MPPED2: variants seen among roughly 807,000 people sequenced by gnomAD.
The protein encoded by MPPED2 is metallophosphoesterase MPPED2.
A neutral mutation model predicts 33.0 loss-of-function variants in MPPED2; 5 were observed. The observed-to-expected ratio is 0.15, with a 90% CI of 0.08 to 0.32. The LOEUF (loss-of-function observed/expected upper bound fraction) is 0.32, where lower values mean the gene tolerates loss of function less well. Among genes scored for constraint, MPPED2 ranks in the 10% least tolerant of loss-of-function variants. The pLI is 1.00. For synonymous variants in MPPED2, 136 were observed against 141.9 expected (o/e 0.96, Z 0.29); for missense variants, 275 against 372.1 (o/e 0.74, Z 2.15).
intron 4 of MPPED2, among the ~76,000 whole-genome samples, chr11:30,433,542 C>T (rs1949178617): frequency 6.6e-6 from 1 of 152,126 alleles, no homozygotes; most frequent in African/African-American, 2.4e-5. Context: ...ATGTGCTTAA[C>T]TACCATGCCA....
At chr11:30,525,856 G>T (rs560900342) in intron 3 of MPPED2, among the ~76,000 whole-genome samples, 5 of 152,166 alleles carry the variant, frequency 3.3e-5, no homozygotes, top group African/African-American at 9.6e-5. Flanking sequence ...TAAGAAAATG[G>T]CTGCCCATAA....
intron 6 of MPPED2, among the ~76,000 whole-genome samples, chr11:30,394,490 T>C (rs538396592): frequency 2.0e-5 from 3 of 152,270 alleles, no homozygotes; most frequent in East Asian, 1.9e-4. Context: ...TGTTATCTCA[T>C]TGTGGTTTTA....
chr11:30,421,263 C>T (rs892742589), intron 4 of MPPED2, among the ~76,000 whole-genome samples: 1 of 152,056 alleles, frequency 6.6e-6, no homozygotes, highest in Non-Finnish European at 1.5e-5. Flanking sequence ...CAGCCATATT[C>T]CCCCAGGAAA....
downstream of MPPED2, among the ~76,000 whole-genome samples, chr11:30,408,608 C>T (rs993291169): frequency 3.9e-5 from 6 of 152,190 alleles, no homozygotes; most frequent in African/African-American, 1.4e-4. Flanking sequence ...CCGTGCCTGT[C>T]TTATATCAGC....
chr11:30,406,664 C>T (rs1947994806), downstream of MPPED2, among the ~76,000 whole-genome samples: 1 of 152,172 alleles, frequency 6.6e-6, no homozygotes, highest in Admixed American at 6.5e-5. Context: ...AACAAACAAA[C>T]ACAGAAGCAA....
At chr11:30,472,826 T>C (rs758096906) in intron 4 of MPPED2, among the ~76,000 whole-genome samples, 2 of 152,172 alleles carry the variant, frequency 1.3e-5, no homozygotes, top group Non-Finnish European at 2.9e-5. Flanking sequence ...GAGATAGTGG[T>C]GACAATTGCA....
At chr11:30,402,000 A>G (rs1393948288) in intron 6 of MPPED2, among the ~76,000 whole-genome samples, 1 of 152,100 alleles carries the variant, frequency 6.6e-6, no homozygotes, top group Non-Finnish European at 1.5e-5. Flanking sequence ...CCCGGCCTAC[A>G]TAAGATTTTT....
At chr11:30,477,790 C>T (rs1372125388) in intron 4 of MPPED2, among the ~76,000 whole-genome samples, 1 of 152,020 alleles carries the variant, frequency 6.6e-6, no homozygotes, top group African/African-American at 2.4e-5. Flanking sequence ...ATTACTTCTT[C>T]TTTGAATGTT....
At chr11:30,394,305 G>T (rs190075784) in intron 6 of MPPED2, among the ~76,000 whole-genome samples, 2 of 152,300 alleles carry the variant, frequency 1.3e-5, no homozygotes, top group African/African-American at 2.4e-5. Flanking sequence ...GAGATTGCTA[G>T]ATCATCTGTA....
chr11:30,573,734 T>C (rs7125615), intron 2 of MPPED2, among the ~76,000 whole-genome samples: 5,074 of 152,282 alleles, frequency 0.033, 283 homozygotes, highest in African/African-American at 0.12. Context: ...TAAATTGTTA[T>C]AGTGATGAAA....
At chr11:30,559,942 G>A (rs1038940942) in intron 2 of MPPED2, among the ~76,000 whole-genome samples, 2 of 152,194 alleles carry the variant, frequency 1.3e-5, no homozygotes, top group Non-Finnish European at 2.9e-5. Flanking sequence ...CACTATAGCT[G>A]CCTGTTGCCT....
chr11:30,453,616 A>AT (rs1335738370), intron 4 of MPPED2, among the ~76,000 whole-genome samples: 4 of 152,164 alleles, frequency 2.6e-5, no homozygotes, highest in Non-Finnish European at 5.9e-5. Flanking sequence ...GAAATAACTG[A>AT]TTTTTCCTTC....
At chr11:30,468,227 T>TACACACACACAC (rs1491560438) in intron 4 of MPPED2, among the ~76,000 whole-genome samples, 1 of 101,238 alleles carries the variant, frequency 9.9e-6, no homozygotes. Flanking sequence ...TATGGCATAC[T>TACACACACACAC]ATACACACAC....
intron 2 of MPPED2, among the ~76,000 whole-genome samples, chr11:30,536,999 A>G (rs1436388542): frequency 6.6e-6 from 1 of 152,194 alleles, no homozygotes; most frequent in Non-Finnish European, 1.5e-5. Context: ...AGACCTAAGC[A>G]CTGTGAAATT....
intron 3 of MPPED2, among the ~76,000 whole-genome samples, chr11:30,524,367 G>T (rs971094846): frequency 2.0e-5 from 3 of 152,140 alleles, no homozygotes; most frequent in African/African-American, 7.2e-5. Context: ...GGGAAATTAA[G>T]GTGGACAGAT....
chr11:30,527,507 G>A lies in MPPED2; in HGVS notation c.310+8487C>T, dbSNP rs74908816. ...TGACGCTGGAGGGGAGAGAGAGTGG[G>A]TCAGAATAAAGAGGGGAACAGAGGG... On this transcript the variant is annotated intron_variant, in intron 3 of 6. Transcript: ENST00000358117. 8.9e-3 allele frequency among the ~76,000 whole-genome samples: 1,358 copies of A among 152,024 alleles called. 18 individuals are homozygous for A. Among genetic ancestry groups the A allele is most frequent in the African/African-American group, 0.032 (1,309 of 41,468 alleles).
At chr11:30,524,769 T>C (rs560010654) in intron 3 of MPPED2, among the ~76,000 whole-genome samples, 2 of 152,272 alleles carry the variant, frequency 1.3e-5, no homozygotes, top group South Asian at 4.2e-4. Flanking sequence ...CCTGGATTAA[T>C]GGTACTGTGA....
intron 2 of MPPED2, among the ~76,000 whole-genome samples, chr11:30,569,967 A>T (rs1288292379): frequency 6.6e-6 from 1 of 152,114 alleles, no homozygotes; most frequent in Admixed American, 6.6e-5. Context: ...TCTCACAAAC[A>T]CATCTGCTAT....
chr11:30,568,658 C>CT (rs1956556370), intron 2 of MPPED2, among the ~76,000 whole-genome samples: 1 of 152,142 alleles, frequency 6.6e-6, no homozygotes, highest in Non-Finnish European at 1.5e-5. Context: ...TAAAAAGTGG[C>CT]TGAAGGGAAC....
Sources: allele counts gnomAD v4.1 joint callset (sites outside exome capture counted in the v4.1 genomes callset), GRCh38; gene constraint gnomAD v4.1.1; transcripts MANE v1.5; gene names NCBI Gene and HGNC (gene_info 2026-07-23, HGNC 2026-07-21).